Variants in RTEL1 observed in about 807,000 individuals in gnomAD.
RTEL1 encodes the protein regulator of telomere length.
A neutral mutation model predicts 162.2 loss-of-function variants in RTEL1; 86 were observed. The observed-to-expected ratio is 0.53, with a 90% CI of 0.45 to 0.63. RTEL1 has a LOEUF of 0.63. RTEL1 is among the 30% of genes least tolerant of loss of function. RTEL1 has a pLI of 0.00. For missense variants in RTEL1, 1,941 were observed against 1,750.2 expected (o/e 1.11, Z -1.95); for synonymous variants, 958 against 717.9 (o/e 1.33, Z -5.35).
At position 63,687,646 on chromosome 20, in the gene RTEL1, C is replaced by T. The variant is rs1451923572; in HGVS notation, c.1357C>T (p.Leu453=). The T allele has an allele frequency of 1.5e-5, 24 of 1,608,174 alleles. No homozygotes were observed. Among genetic ancestry groups the T allele is most frequent in the Non-Finnish European group, 1.8e-5 (21 of 1,178,794 alleles). Residue 453 remains leucine, a synonymous_variant, in exon 17 of 35, where the codon CTG becomes TTG. Transcript: ENST00000360203. ...TTAARKRGKV[L]SYWCFSPGHS... is the part of the protein sequence containing the mutation. The stretch of plus-strand genomic sequence containing the variant: ...CGCCCCCCGCCCCACAGGGAAGGTG[C>T]TGAGCTACTGGTGCTTCAGTCCCGG...
chr20:63,689,472 C>T (rs775171047), intron 22 of RTEL1, 30 bp from the exon 23 acceptor site: 3 of 1,519,592 alleles, frequency 2.0e-6, no homozygotes, highest in Non-Finnish European at 2.7e-6. Flanking sequence ...GCCCCCACGG[C>T]CCCAGGCAGC....
chr20:63,692,887 T>C lies in RTEL1; in HGVS notation c.2735T>C (p.Phe912Ser), dbSNP rs752291689. The C allele has an allele frequency of 1.2e-6, 2 of 1,612,598 alleles. No individual in the cohort carries two copies. Among genetic ancestry groups the C allele is most frequent in the Non-Finnish European group, 1.7e-6 (2 of 1,179,864 alleles). ...AVKQELSQAN[F>S]ATFTQALQDY... ...AAGCAGGAGTTGAGCCAAGCCAACT[T>C]TGCCACCTTCACCCAGGCCCTGCAG... The change falls in exon 29 of 35, where the codon TTT (phenylalanine) becomes TCT (serine). Residue 912 changes from phenylalanine (F) to serine (S), a missense_variant. Phe to Ser is a radical substitution (Grantham distance 155). Transcript: ENST00000360203.
intron 21 of RTEL1, 109 bp downstream of exon 21, chr20:63,688,714 C>T: frequency 1.0e-5 from 10 of 973,062 alleles, no homozygotes; most frequent in Middle Eastern, 2.7e-4. Context: ...CCGGCGGCTC[C>T]CGCTGCCTCT....
At chr20:63,688,827 A>G (rs1160202380) in intron 21 of RTEL1, 1 of 634,656 alleles carries the variant, frequency 1.6e-6, no homozygotes, top group African/African-American at 1.8e-5. Context: ...CTGTCTGAGT[A>G]GCCCTAGTCG....
intron 2 of RTEL1, among the ~76,000 whole-genome samples, chr20:63,660,316 C>T (rs1010980735): frequency 6.6e-6 from 1 of 152,236 alleles, no homozygotes; most frequent in East Asian, 1.9e-4. Flanking sequence ...GGCCATATTT[C>T]AGACTATCAC....
At chr20:63,680,752 C>T (rs1330444026) in intron 14 of RTEL1, 33 bp downstream of exon 14, 1 of 1,612,478 alleles carries the variant, frequency 6.2e-7, no homozygotes. Context: ...ATCTCCTTCC[C>T]TGATGGAAGC....
rs369716125 is a variant in RTEL1 at position 63,693,212 on chromosome 20, G to T, written c.2921G>T (p.Arg974Leu). 1 of 1,612,128 alleles carries T rather than the reference G, an allele frequency of 6.2e-7. No homozygotes were observed. Among genetic ancestry groups the T allele is most frequent in the East Asian group, 2.2e-5 (1 of 44,886 alleles). The change falls in exon 30 of 35, where the codon CGA becomes CTA. Residue 974 changes from arginine to leucine, a missense_variant. Physicochemically the swap from Arg to Leu is moderately radical, Grantham distance 102 (BLOSUM62 -2). Transcript: ENST00000360203. ...GAGGTCTGTATCCAGCTGACAGGACGAGGCTGTGGCTATCGGCCTGAGCAC... is the reference window on the plus strand; with the variant it reads ...GAGGTCTGTATCCAGCTGACAGGACTAGGCTGTGGCTATCGGCCTGAGCAC... The part of the protein sequence containing the change: ...FEEVCIQLTG[R>L]GCGYRPEHSI...
rs368619442 is a variant in RTEL1, at chr20:63,661,280, G to T, written c.103-18G>T. ...TCTTCCTGGCTTCCCCGTAACCCTT[G>T]CTCCGAACTCCGTTCAGAAGGTGAA... On this transcript the variant is annotated intron_variant, in intron 2 of 34. Transcript: ENST00000360203. The surrounding 1 kb of genome is among the most constrained non-coding windows in gnomAD (Gnocchi z 5.1). The T allele has an allele frequency of 1.9e-6, 3 of 1,608,820 alleles. No homozygotes were observed. The African/African-American group carries it at 4.0e-5, about 21-fold the overall frequency.
At chr20:63,665,880 C>T (rs752335380) in intron 6 of RTEL1, 124 bp from the exon 7 acceptor site, 61 of 798,918 alleles carry the variant, frequency 7.6e-5, no homozygotes, top group Non-Finnish European at 1.1e-4. Context: ...GGCGCGTTCA[C>T]GGTTGGTGGG....
chr20:63,689,554 C>T lies in RTEL1; in HGVS notation c.1931C>T (p.Thr644Met), dbSNP rs1258123825. Residue 644 changes from threonine to methionine, a missense_variant, in exon 23 of 35, where the codon ACG becomes ATG. Thr to Met is a moderately conservative substitution (Grantham distance 81, BLOSUM62 -1). Coordinates refer to ENST00000360203, the MANE Select transcript of RTEL1 (RefSeq NM_001283009.2). ...SDTNGRGVIV[T>M]GLPYPPRMDP... ...ACGAATGGCCGTGGTGTGATTGTCA[C>T]GGGCCTCCCGTACCCCCCACGCATG... 2 of 1,611,176 alleles carry T rather than the reference C, an allele frequency of 1.2e-6. No individual in the cohort carries two copies. Among genetic ancestry groups the T allele is most frequent in the East Asian group, 2.2e-5 (1 of 44,856 alleles).
At chr20:63,681,382 A>G in intron 14 of RTEL1, 3 of 985,318 alleles carry the variant, frequency 3.0e-6, no homozygotes, top group Non-Finnish European at 3.6e-6. Flanking sequence ...AAGCAGACTC[A>G]GAAGTCCCTG....
In RTEL1 at chr20:63,692,943, C is replaced by G; in HGVS notation, c.2791C>G (p.Leu931Val). The G allele has an allele frequency of 2.5e-6, 4 of 1,612,640 alleles. No homozygotes were observed. The highest frequency in any genetic ancestry group is 3.4e-6 in the Non-Finnish European group (4 of 1,179,838). Reference protein sequence around the residue: ...DYKGSDDFAALAACLGPLFAE... With the variant: ...DYKGSDDFAAVAACLGPLFAE... ...CAAGGGTTCCGATGACTTCGCCGCCCTGGCCGCCTGTCTCGGCCCCCTCTT... is the reference window on the plus strand; with the variant it reads ...CAAGGGTTCCGATGACTTCGCCGCCGTGGCCGCCTGTCTCGGCCCCCTCTT... The change falls in exon 29 of 35, where the codon CTG (leucine) becomes GTG (valine). Residue 931 changes from leucine to valine, a missense_variant. Leu to Val is a conservative substitution (Grantham distance 32, BLOSUM62 1). Coordinates refer to ENST00000360203, the MANE Select transcript of RTEL1 (RefSeq NM_001283009.2).
chr20:63,693,076 G>T, intron 29 of RTEL1, 67 bp from the exon 30 acceptor site: 1 of 1,610,604 alleles, frequency 6.2e-7, no homozygotes. Context: ...GGCCATCTGG[G>T]TCCAAGGTGG....
At chr20:63,693,463 C>CCACCACCAG (rs2090836326) in intron 30 of RTEL1, among the ~76,000 whole-genome samples, 180 bp downstream of exon 30, 1 of 16,694 alleles carries the variant, frequency 6.0e-5, no homozygotes, top group African/African-American at 4.9e-4. Flanking sequence ...ACCTCCACCT[C>CCACCACCAG]CACCTCCACC....
chr20:63,659,062 A>G (rs1177746686), intron 1 of RTEL1, among the ~76,000 whole-genome samples, 171 bp from the exon 2 acceptor site: 1 of 152,154 alleles, frequency 6.6e-6, no homozygotes, highest in African/African-American at 2.4e-5. Context: ...GGGCGGGAGG[A>G]TAAGGCAAGG....
chr20:63,679,928 A>T lies in RTEL1; in HGVS notation c.1117A>T (p.Ile373Phe). 1.2e-6 allele frequency: 2 copies of T among 1,612,104 alleles called. No individual in the cohort carries two copies. The highest frequency in any genetic ancestry group is 1.3e-5 in the African/African-American group (1 of 75,022). Residue 373 changes from isoleucine (I) to phenylalanine (F), a missense_variant, in exon 13 of 35, where the codon ATC (isoleucine) becomes TTC (phenylalanine). Physicochemically the swap from Ile to Phe is conservative, Grantham distance 21. Transcript: ENST00000360203. ...GCILDSLDQI[I>F]QHLAGRAGVF... ...CATCCTGGACTCGCTGGACCAGATC[A>T]TCCAGCACCTGGCAGGACGTGAGTG...
chr20:63,680,346 G>C (rs924659986), intron 13 of RTEL1, among the ~76,000 whole-genome samples: 3 of 152,218 alleles, frequency 2.0e-5, no homozygotes, highest in Admixed American at 1.3e-4. Flanking sequence ...GCCCAGCGGG[G>C]TCTCTCCTCT....
At chr20:63,680,756 T>G (rs756741458) in intron 14 of RTEL1, 37 bp downstream of exon 14, 1 of 1,612,230 alleles carries the variant, frequency 6.2e-7, no homozygotes, top group Non-Finnish European at 8.5e-7. Flanking sequence ...CCTTCCCTGA[T>G]GGAAGCCGGG....
intron 10 of RTEL1, among the ~76,000 whole-genome samples, chr20:63,675,656 G>GGT (rs1308847160): frequency 1.3e-5 from 2 of 152,266 alleles, no homozygotes; most frequent in East Asian, 1.9e-4. Flanking sequence ...CGGGACCACA[G>GGT]GTGTGCACCA....
Sources: gnomAD v4.1 joint callset for allele counts (sites outside exome capture counted in the v4.1 genomes callset) on GRCh38, gnomAD v4.1.1 for gene constraint, Gnocchi (gnomAD v3.1) non-coding constraint, MANE v1.5 for transcripts, NCBI Gene and HGNC (gene_info 2026-07-23, HGNC 2026-07-21) for gene names.